Variants in TSHZ2 observed in about 807,000 individuals in gnomAD.
TSHZ2 encodes teashirt homolog 2.
In TSHZ2, 21 loss-of-function variants were observed where a neutral mutation model predicts 74.4. The observed-to-expected ratio is 0.28, with a 90% confidence interval of 0.20 to 0.41. The LOEUF (loss-of-function observed/expected upper bound fraction) is 0.41, where lower values mean the gene tolerates loss of function less well. TSHZ2 is among the 10% of genes least tolerant of loss of function. TSHZ2 has a pLI of 1.00. For synonymous variants in TSHZ2, 540 were observed against 515.3 expected, an observed-to-expected ratio of 1.05 and a Z score of -0.65; for missense variants, 1,244 against 1,293.5, an observed-to-expected ratio of 0.96 and a Z score of 0.59.
intron 1 of TSHZ2, among the ~76,000 whole-genome samples, chr20:53,037,260 G>C (rs6013611): frequency 0.77 from 117,079 of 152,132 alleles, 46,109 homozygotes; most frequent in East Asian, 0.96. Context: ...CTCCACGTGT[G>C]CTATCACTAG....
intron 1 of TSHZ2, among the ~76,000 whole-genome samples, chr20:53,031,565 G>T (rs1983640032): frequency 6.6e-6 from 1 of 152,162 alleles, no homozygotes; most frequent in Admixed American, 6.5e-5. Flanking sequence ...TGGTGACAGG[G>T]TCAGTAGCAC....
At chr20:53,214,530 T>C (rs1192584345) in intron 1 of TSHZ2, among the ~76,000 whole-genome samples, 1 of 152,178 alleles carries the variant, frequency 6.6e-6, no homozygotes, top group Non-Finnish European at 1.5e-5. Context: ...CTGGCCAATA[T>C]TGTGAAACCA....
rs80142257 is a variant in TSHZ2 at position 53,428,032 on chromosome 20, G to T, written c.*9-59112G>T. Among the ~76,000 whole-genome samples the T allele has an allele frequency of 3.5e-3, 528 of 152,174 alleles. 1 individual carries two copies. Among genetic ancestry groups the T allele is most frequent in the African/African-American group, 0.012 (494 of 41,520 alleles). Reference sequence around the variant, plus strand: ...CACACTCTGGACTCTACTGATAAAGGCTTTGTACAAAGCTTGCACCAACTA... The same window carrying T: ...CACACTCTGGACTCTACTGATAAAGTCTTTGTACAAAGCTTGCACCAACTA... On this transcript the variant is annotated intron_variant, in intron 2 of 2. Transcript: ENST00000371497.
chr20:53,264,034 G>T (rs1175473526), intron 2 of TSHZ2, among the ~76,000 whole-genome samples: 1 of 152,150 alleles, frequency 6.6e-6, no homozygotes, highest in Non-Finnish European at 1.5e-5. Flanking sequence ...ATATACTCTG[G>T]TTTCTTTTCA....
At chr20:53,192,902 G>A (rs1445955741) in intron 1 of TSHZ2, among the ~76,000 whole-genome samples, 1 of 152,186 alleles carries the variant, frequency 6.6e-6, no homozygotes, top group Non-Finnish European at 1.5e-5. Context: ...GATTCCTCAG[G>A]TTGAGATAGG....
chr20:53,273,547 C>A lies in TSHZ2; in HGVS notation c.*8+16976C>A, dbSNP rs1332473497. On this transcript the variant is annotated intron_variant, in intron 2 of 2. Coordinates refer to ENST00000371497, the MANE Select transcript of TSHZ2 (RefSeq NM_173485.6). ...CAGGTGATCCACCTGCCTCGACTTT[C>A]CAAAGTGCTGGGATTATAGGAATGA... Among the ~76,000 whole-genome samples the A allele has an allele frequency of 2.0e-5, 3 of 152,190 alleles. No individual in the cohort carries two copies. The East Asian group carries it at 5.8e-4, about 29-fold the overall frequency.
chr20:53,382,294 G>A (rs1266283614), intron 2 of TSHZ2, among the ~76,000 whole-genome samples: 1 of 152,184 alleles, frequency 6.6e-6, no homozygotes, highest in African/African-American at 2.4e-5. Flanking sequence ...AAGGTTACAG[G>A]CTGGCTCAGG....
intron 2 of TSHZ2, among the ~76,000 whole-genome samples, chr20:53,264,030 T>G (rs17439467): frequency 0.084 from 12,732 of 152,270 alleles, 678 homozygotes; most frequent in Middle Eastern, 0.12. Context: ...CCTGATATAC[T>G]CTGGTTTCTT....
chr20:53,190,678 T>G (rs1988716889), intron 1 of TSHZ2, among the ~76,000 whole-genome samples: 1 of 152,194 alleles, frequency 6.6e-6, no homozygotes, highest in Admixed American at 6.5e-5. Context: ...AACTGCAAGA[T>G]TGATAGATGA....
intron 1 of TSHZ2, among the ~76,000 whole-genome samples, chr20:53,019,007 T>C (rs1983139515): frequency 6.6e-6 from 1 of 152,230 alleles, no homozygotes; most frequent in Non-Finnish European, 1.5e-5. Flanking sequence ...CTATTTAAAG[T>C]GCTTTTCTCC....
intron 1 of TSHZ2, among the ~76,000 whole-genome samples, chr20:53,139,954 A>G (rs1299191907): frequency 6.7e-6 from 1 of 149,222 alleles, no homozygotes; most frequent in Non-Finnish European, 1.5e-5. Flanking sequence ...TCACTCATGC[A>G]TGTACTTTTT....
chr20:53,219,957 C>A (rs1463496024), intron 1 of TSHZ2, among the ~76,000 whole-genome samples: 5 of 152,162 alleles, frequency 3.3e-5, no homozygotes, highest in Non-Finnish European at 5.9e-5. Context: ...AACTGGAGAT[C>A]TGTCAAGGGA....
At chr20:53,080,793 A>T (rs1985509782) in intron 1 of TSHZ2, among the ~76,000 whole-genome samples, 1 of 152,210 alleles carries the variant, frequency 6.6e-6, no homozygotes, top group East Asian at 1.9e-4. Context: ...GGGGCTGGGG[A>T]CACCTGCTTT....
chr20:53,024,423 T>A (rs190344029), intron 1 of TSHZ2, among the ~76,000 whole-genome samples: 149 of 151,298 alleles, frequency 9.8e-4, no homozygotes, highest in African/African-American at 3.6e-3. Flanking sequence ...GTCCCTGACC[T>A]CAAATAATTA....
At chr20:53,126,047 G>A (rs1320479823) in intron 1 of TSHZ2, among the ~76,000 whole-genome samples, 1 of 152,182 alleles carries the variant, frequency 6.6e-6, no homozygotes, top group Non-Finnish European at 1.5e-5. Flanking sequence ...GCACATTTAT[G>A]AAATTCCCAG....
intron 2 of TSHZ2, among the ~76,000 whole-genome samples, chr20:53,336,756 G>T (rs1329857141): frequency 6.6e-6 from 1 of 152,178 alleles, no homozygotes; most frequent in Non-Finnish European, 1.5e-5. Context: ...CACAGGACCA[G>T]TTGAAGATAT....
chr20:53,433,576 GACACACAGACACACACACACACACAC>G (rs1359693704), intron 2 of TSHZ2, among the ~76,000 whole-genome samples: 4 of 76,776 alleles, frequency 5.2e-5, no homozygotes, highest in Admixed American at 1.3e-4. Context: ...CAGACACACA[GACACACAGACACACACACACACACAC>G]ACACACACAC....
intron 2 of TSHZ2, among the ~76,000 whole-genome samples, chr20:53,259,785 A>C (rs1990564782): frequency 6.6e-6 from 1 of 152,226 alleles, no homozygotes; most frequent in African/African-American, 2.4e-5. Context: ...GCCTGGCCCA[A>C]ATATTGCATG....
At chr20:53,089,178 A>G (rs1363569086) in intron 1 of TSHZ2, among the ~76,000 whole-genome samples, 2 of 151,646 alleles carry the variant, frequency 1.3e-5, no homozygotes, top group Non-Finnish European at 2.9e-5. Context: ...ATCATGTCCA[A>G]TAGGCCAAAG....
Sources: gnomAD v4.1 joint callset for allele counts (sites outside exome capture counted in the v4.1 genomes callset) on GRCh38, gnomAD v4.1.1 for gene constraint, MANE v1.5 for transcripts, NCBI Gene and HGNC (gene_info 2026-07-23, HGNC 2026-07-21) for gene names.